Variants in MIER3 observed in about 807,000 individuals in gnomAD.
MIER3 encodes the protein MIER family member 3, also known as mesoderm induction early response protein 3.
A neutral mutation model predicts 63.2 loss-of-function variants in MIER3; 9 were observed. The observed-to-expected ratio is 0.14, with a 90% CI of 0.09 to 0.25. MIER3 has a LOEUF of 0.25. MIER3 is among the 10% of genes least tolerant of loss of function. The pLI is 1.00. For synonymous variants in MIER3, 205 were observed against 224.9 expected (o/e 0.91, Z 0.79); for missense variants, 512 against 666.2 (o/e 0.77, Z 2.55).
intron 3 of MIER3, among the ~76,000 whole-genome samples, chr5:56,944,474 C>T (rs1364671643): frequency 6.6e-6 from 1 of 151,274 alleles, no homozygotes; most frequent in Non-Finnish European, 1.5e-5. Context: ...GAGCGAGACT[C>T]CGTCTCAAAA....
At chr5:56,937,736 A>T in intron 4 of MIER3, 38 bp from the exon 5 acceptor site, 1 of 1,512,418 alleles carries the variant, frequency 6.6e-7, no homozygotes. Context: ...GTTAGAAATG[A>T]TTACATCTCA....
chr5:56,951,713 C>G (rs986813745), intron 1 of MIER3, among the ~76,000 whole-genome samples: 3 of 138,468 alleles, frequency 2.2e-5, no homozygotes, highest in Non-Finnish European at 3.3e-5. Context: ...GGGGCTCCGC[C>G]GGTTTCCACC....
In MIER3 at chr5:56,923,460, A is replaced by G; in HGVS notation, c.1321T>C (p.Leu441=). ...VNHVPVVTEE[L]LTLPSNGESD... ...TCCCCATTGCTGGGCAGGGTGAGTA[A>G]CTCTTCTGTTACAACAGGCACATGA... is the stretch of plus-strand genomic sequence containing the variant. Residue 441 remains leucine, a synonymous_variant, in exon 13 of 13, where the codon TTA becomes CTA. Transcript: ENST00000381199. 1 of 1,614,114 alleles carries G rather than the reference A, an allele frequency of 6.2e-7. No individual in the cohort carries two copies.
chr5:56,946,704 G>A (rs192404828), intron 3 of MIER3, among the ~76,000 whole-genome samples: 1 of 151,698 alleles, frequency 6.6e-6, no homozygotes, highest in African/African-American at 2.4e-5. Flanking sequence ...ATGCCTACGT[G>A]TACCTACTTC....
chr5:56,944,135 A>G (rs1750745811), intron 3 of MIER3, among the ~76,000 whole-genome samples: 1 of 152,188 alleles, frequency 6.6e-6, no homozygotes, highest in South Asian at 2.1e-4. Flanking sequence ...ACTAAAGTGC[A>G]AACTTCATAT....
intron 6 of MIER3, 34 bp from the exon 7 acceptor site, chr5:56,935,534 TAA>T: frequency 1.4e-6 from 2 of 1,423,022 alleles, no homozygotes; most frequent in East Asian, 2.5e-5. Flanking sequence ...AATAACTTAT[TAA>T]AAAAAAAATA....
rs139173255 is a variant in MIER3, at chr5:56,934,269, T to C, written c.596-871A>G. On this transcript the variant is annotated intron_variant, in intron 7 of 12. Coordinates refer to ENST00000381199, the MANE Select transcript of MIER3 (RefSeq NM_001297599.2). Reference sequence around the variant, plus strand: ...AACTGTAGGAGGCAGGCATTGTCATTGCCAGTTAGAAGGAAAGTTAAAAAT... The same window carrying C: ...AACTGTAGGAGGCAGGCATTGTCATCGCCAGTTAGAAGGAAAGTTAAAAAT... Among the ~76,000 whole-genome samples, 6 of 152,218 alleles carry C rather than the reference T, an allele frequency of 3.9e-5. No homozygotes were observed. In the East Asian group the frequency reaches 1.2e-3, roughly 29 times the overall value.
At chr5:56,924,253 G>GT (rs35795629) in intron 10 of MIER3, among the ~76,000 whole-genome samples, 12,342 of 149,370 alleles carry the variant, frequency 0.083, 525 homozygotes, top group East Asian at 0.14. Context: ...AAAGCCCAAG[G>GT]TTTTTTTTTT....
At chr5:56,932,795 A>C (rs1359944945) in intron 8 of MIER3, among the ~76,000 whole-genome samples, 1 of 152,242 alleles carries the variant, frequency 6.6e-6, no homozygotes, top group East Asian at 1.9e-4. Context: ...AATAATTCAA[A>C]GAATACACTT....
chr5:56,933,138 C>G, intron 8 of MIER3, 109 bp downstream of exon 8: 1 of 1,206,082 alleles, frequency 8.3e-7, no homozygotes, highest in Non-Finnish European at 1.1e-6. Flanking sequence ...TTTTAAAACT[C>G]TTATCAGAAA....
At chr5:56,951,969 T>C in intron 1 of MIER3, 125 bp downstream of exon 1, 1 of 758,856 alleles carries the variant, frequency 1.3e-6, no homozygotes, top group South Asian at 5.9e-5. Context: ...GACCCCCGCG[T>C]CGCCACGCCG....
intron 6 of MIER3, 74 bp downstream of exon 6, chr5:56,935,589 AAAC>A (rs1431749915): frequency 4.2e-5 from 65 of 1,532,006 alleles, no homozygotes; most frequent in Non-Finnish European, 5.5e-5. Flanking sequence ...CTACAAGTCA[AAAC>A]AACAAAATTA....
At chr5:56,929,005 ACT>A (rs1554041077) in intron 9 of MIER3, 144 bp from the exon 10 acceptor site, 11,022 of 488,618 alleles carry the variant, frequency 0.023, no homozygotes, top group East Asian at 0.072. Flanking sequence ...ACACACACAC[ACT>A]CTCTCTCTCT....
Position 56,922,556 on chromosome 5 carries a change from C to T in MIER3, c.*572G>A, listed in dbSNP as rs1267960275. ...AGTTGAATAACATGAGAGAAGTTTC[C>T]ATTTTTAAAAAATCCTTGCATGTTT... On this transcript the variant is annotated 3_prime_UTR_variant, in exon 13 of 13. Coordinates refer to ENST00000381199, the MANE Select transcript of MIER3 (RefSeq NM_001297599.2). The T allele has an allele frequency of 1.3e-5, 2 of 153,254 alleles. No individual in the cohort carries two copies. The highest frequency in any genetic ancestry group is 4.8e-5 in the African/African-American group (2 of 41,436). The allele number at this position is 153,254 out of a possible 1,614,324, so 9.5% of individuals were successfully genotyped here.
chr5:56,952,090 T>A lies in MIER3; in HGVS notation c.9+4A>T. 1 of 1,303,900 alleles carries A rather than the reference T, an allele frequency of 7.7e-7. No homozygotes were observed. The allele number at this position is 1,303,900 out of a possible 1,614,324, so 80.8% of individuals were successfully genotyped here. ...GGCTGCTCCTGCCCGGTTTCCCTGC[T>A]CACCTCCGCCATATTGGTACCTTTA... On this transcript the variant is annotated splice_donor_region_variant and intron_variant, in intron 1 of 12. Transcript: ENST00000381199.
At chr5:56,945,197 C>A in intron 3 of MIER3, among the ~76,000 whole-genome samples, 1 of 151,986 alleles carries the variant, frequency 6.6e-6, no homozygotes, top group East Asian at 1.9e-4. Flanking sequence ...GGTGTGGTGG[C>A]TCATGCTATA....
At position 56,944,155 on chromosome 5, in the gene MIER3, C is replaced by T. The variant is rs556003312; in HGVS notation, c.180+2771G>A. Among the ~76,000 whole-genome samples, 7 of 152,246 alleles carry T rather than the reference C, an allele frequency of 4.6e-5. No homozygotes were observed. The South Asian group carries it at 1.5e-3, about 32-fold the overall frequency. On this transcript the variant is annotated intron_variant, in intron 3 of 12. Transcript: ENST00000381199. ...AGTGCAAACTTCATATACAAGCGTT[C>T]CTCCACCACCTGCACTGTTTAGAAG...
chr5:56,947,630 T>C (rs898397670), intron 2 of MIER3, among the ~76,000 whole-genome samples: 4 of 152,268 alleles, frequency 2.6e-5, no homozygotes, highest in South Asian at 2.1e-4. Context: ...TTTAAAAGCA[T>C]TGTATCACTT....
At chr5:56,941,304 A>T (rs1750637739) in intron 3 of MIER3, 1 of 226,892 alleles carries the variant, frequency 4.4e-6, no homozygotes, top group African/African-American at 2.3e-5. Flanking sequence ...CAGAGGGTGA[A>T]GACTGAGCTA....
Sources: allele counts gnomAD v4.1 joint callset (sites outside exome capture counted in the v4.1 genomes callset), GRCh38; gene constraint gnomAD v4.1.1; transcripts MANE v1.5; gene names NCBI Gene and HGNC (gene_info 2026-07-23, HGNC 2026-07-21).